CHN2: variants seen among roughly 807,000 people sequenced by gnomAD.
CHN2 encodes beta-chimaerin.
Under a neutral mutation model 56.3 loss-of-function variants are expected in CHN2, and 35 were observed. That is an observed-to-expected ratio of 0.62 (90% CI 0.47 to 0.82). CHN2 has a LOEUF of 0.82. Ranked by LOEUF, CHN2 falls within the 40% of genes least tolerant of loss-of-function variation. The probability of loss-of-function intolerance (pLI) is 0.00; values close to 1 mark genes in which losing one functional copy is unlikely to be tolerated. For missense variants in CHN2, 491 were observed against 580.5 expected, an observed-to-expected ratio of 0.85 and a Z score of 1.58; for synonymous variants, 210 against 212.8, an observed-to-expected ratio of 0.99 and a Z score of 0.12.
rs112198493 is a variant in CHN2 at position 29,197,601 on chromosome 7, G to T, written c.49+2611G>T. Among the ~76,000 whole-genome samples the T allele has an allele frequency of 2.9e-3, 448 of 152,334 alleles. 2 individuals are homozygous for T. Among genetic ancestry groups the T allele is most frequent in the African/African-American group, 0.01 (432 of 41,566 alleles). Reference sequence around the variant, plus strand: ...GGGCTCAGAATTTAGGTGGAGACATGAATCCAACACACAATCCACTTCTTT... The same window carrying T: ...GGGCTCAGAATTTAGGTGGAGACATTAATCCAACACACAATCCACTTCTTT... On this transcript the variant is annotated intron_variant, in intron 1 of 12. Coordinates refer to ENST00000222792, the MANE Select transcript of CHN2 (RefSeq NM_004067.4).
At chr7:29,387,927 A>G in intron 3 of CHN2, among the ~76,000 whole-genome samples, 1 of 152,242 alleles carries the variant, frequency 6.6e-6, no homozygotes, top group East Asian at 1.9e-4. Flanking sequence ...TAGACTGCAC[A>G]CAAATATACC....
chr7:29,484,738 A>T (rs920926650), intron 7 of CHN2, among the ~76,000 whole-genome samples: 2 of 152,194 alleles, frequency 1.3e-5, no homozygotes, highest in Non-Finnish European at 2.9e-5. Flanking sequence ...GGGATATACG[A>T]TGCAACCCGT....
intron 1 of CHN2, among the ~76,000 whole-genome samples, chr7:29,344,969 A>G (rs1244560230): frequency 6.6e-6 from 1 of 152,136 alleles, no homozygotes; most frequent in Non-Finnish European, 1.5e-5. Flanking sequence ...TCTGTCTTTT[A>G]CTTGTCCAAC....
At chr7:29,216,066 G>A (rs1165121036) in intron 1 of CHN2, among the ~76,000 whole-genome samples, 1 of 152,166 alleles carries the variant, frequency 6.6e-6, no homozygotes, top group Non-Finnish European at 1.5e-5. Context: ...CTATTGTTGG[G>A]AGAGGCTGGA....
chr7:29,411,569 G>C (rs970832547), intron 6 of CHN2, among the ~76,000 whole-genome samples: 1 of 152,168 alleles, frequency 6.6e-6, no homozygotes, highest in Non-Finnish European at 1.5e-5. Context: ...CGTGTCCCTG[G>C]CTAGGGTGGT....
At chr7:29,346,978 G>A (rs1474452114) in intron 1 of CHN2, among the ~76,000 whole-genome samples, 3 of 152,174 alleles carry the variant, frequency 2.0e-5, no homozygotes, top group African/African-American at 4.8e-5. Context: ...GTGTGGATTC[G>A]CGTATGTTCC....
intron 6 of CHN2, among the ~76,000 whole-genome samples, chr7:29,471,617 T>G (rs1383781524): frequency 6.6e-6 from 1 of 152,236 alleles, no homozygotes; most frequent in Non-Finnish European, 1.5e-5. Flanking sequence ...AGACTGTTCC[T>G]TCGGCACTTC....
chr7:29,239,734 G>C (rs1297900496), intron 1 of CHN2, among the ~76,000 whole-genome samples: 1 of 152,050 alleles, frequency 6.6e-6, no homozygotes, highest in Non-Finnish European at 1.5e-5. Context: ...CTCTTGCTGA[G>C]CCTGGCCTGG....
intron 1 of CHN2, among the ~76,000 whole-genome samples, chr7:29,204,772 T>C (rs776874847): frequency 6.6e-6 from 1 of 152,194 alleles, no homozygotes; most frequent in Non-Finnish European, 1.5e-5. Context: ...CCGAGTCCTA[T>C]GCTTGCTTTA....
intron 6 of CHN2, among the ~76,000 whole-genome samples, chr7:29,436,731 C>T (rs1783252954): frequency 6.6e-6 from 1 of 152,072 alleles, no homozygotes; most frequent in African/African-American, 2.4e-5. Flanking sequence ...GAATATAAAC[C>T]AACAAATTTC....
At chr7:29,204,228 G>C (rs1784370231) in intron 1 of CHN2, among the ~76,000 whole-genome samples, 1 of 149,970 alleles carries the variant, frequency 6.7e-6, no homozygotes, top group East Asian at 2.0e-4. Context: ...GTGTATATAT[G>C]TATACACAGA....
chr7:29,267,338 G>A (rs557495716), intron 1 of CHN2, among the ~76,000 whole-genome samples: 20 of 151,866 alleles, frequency 1.3e-4, no homozygotes, highest in African/African-American at 4.6e-4. Context: ...TGCCTCCTGG[G>A]TTCAAGTGTT....
intron 8 of CHN2, among the ~76,000 whole-genome samples, chr7:29,497,414 T>G (rs892605778): frequency 2.0e-5 from 3 of 152,182 alleles, no homozygotes; most frequent in Non-Finnish European, 4.4e-5. Flanking sequence ...AACTCTGGGC[T>G]TCATATTAGC....
intron 1 of CHN2, chr7:29,288,876 G>A (rs1792361484): frequency 6.6e-6 from 1 of 152,288 alleles, no homozygotes; most frequent in African/African-American, 2.4e-5. Context: ...AGGGGCAAGG[G>A]AGAAATAGAT....
intron 1 of CHN2, among the ~76,000 whole-genome samples, chr7:29,297,520 T>C (rs987191194): frequency 6.6e-6 from 1 of 152,106 alleles, no homozygotes; most frequent in Non-Finnish European, 1.5e-5. Context: ...TTTGATGGCC[T>C]GAAGTTGAGA....
intron 11 of CHN2, among the ~76,000 whole-genome samples, chr7:29,507,759 A>G (rs1790754236): frequency 6.6e-6 from 1 of 152,242 alleles, no homozygotes; most frequent in Non-Finnish European, 1.5e-5. Flanking sequence ...GTCTTGGGCC[A>G]CACATAAAAT....
In CHN2 at chr7:29,512,875, G is replaced by A. The variant is rs73084484; in HGVS notation, c.*140G>A. ...GGACTGCAGAGGATCGCTGAGTGGGGTACTGTGTCTCATAGACATGCGCCA... is the reference window on the plus strand; with the variant it reads ...GGACTGCAGAGGATCGCTGAGTGGGATACTGTGTCTCATAGACATGCGCCA... On this transcript the variant is annotated 3_prime_UTR_variant, in exon 13 of 13. Transcript: ENST00000222792. 0.013 allele frequency: 12,000 copies of A among 899,440 alleles called. 111 individuals carry two copies. Among genetic ancestry groups the A allele is most frequent in the Non-Finnish European group, 0.016 (9,777 of 603,088 alleles). 55.7% of individuals were successfully genotyped at this position (899,440 alleles called of 1,614,324 possible). A position where few individuals can be genotyped will look rare whatever the true frequency, so the allele number is the denominator to read the frequency against.
chr7:29,169,002 G>T (rs1584525708), intron 2 of CHN2, among the ~76,000 whole-genome samples: 1 of 152,076 alleles, frequency 6.6e-6, no homozygotes, highest in East Asian at 1.9e-4. Context: ...GGAAGTCCTG[G>T]TTATTAGAAT....
chr7:29,336,325 G>A (rs1446591569), intron 1 of CHN2, among the ~76,000 whole-genome samples: 6 of 152,102 alleles, frequency 3.9e-5, no homozygotes, highest in Admixed American at 2.6e-4. Flanking sequence ...AAAACACGCC[G>A]TTGAGGCTGG....
Sources: allele counts gnomAD v4.1 joint callset (sites outside exome capture counted in the v4.1 genomes callset), GRCh38; gene constraint gnomAD v4.1.1; transcripts MANE v1.5; gene names NCBI Gene and HGNC (gene_info 2026-07-23, HGNC 2026-07-21).